Variants in FLI1 observed in about 807,000 individuals in gnomAD.
The protein encoded by FLI1 is Friend leukemia integration 1 transcription factor.
Under a neutral mutation model 53.1 loss-of-function variants are expected in FLI1, and 13 were observed. The observed-to-expected ratio is 0.24, with a 90% confidence interval of 0.16 to 0.39. The LOEUF is 0.39. Ranked by LOEUF, FLI1 falls within the 10% of genes least tolerant of loss-of-function variation. The pLI is 1.00. For synonymous variants in FLI1, 244 were observed against 236.7 expected, an observed-to-expected ratio of 1.03 and a Z score of -0.28; for missense variants, 424 against 600.5, an observed-to-expected ratio of 0.71 and a Z score of 3.07.
chr11:128,721,774 A>G (rs1377160112), intron 1 of FLI1, among the ~76,000 whole-genome samples: 1 of 152,180 alleles, frequency 6.6e-6, no homozygotes, highest in Non-Finnish European at 1.5e-5. Flanking sequence ...TGTTGACACA[A>G]ATGAATCTGA....
intron 1 of FLI1, among the ~76,000 whole-genome samples, chr11:128,713,832 G>A (rs192260138): frequency 7.2e-5 from 11 of 152,106 alleles, no homozygotes; most frequent in Non-Finnish European, 1.5e-4. Flanking sequence ...GTCTTTACTG[G>A]ATGAGTGAAT....
rs1385963172 is a variant in FLI1 at position 128,813,086 on chromosome 11, G to GT, written c.*2107dup. The stretch of plus-strand genomic sequence containing the variant: ...ATGTGTTTCGGAACATTTGTCTCCA[G>GT]TTTTTTTTTAATCTTGCACCCTGCC... On this transcript the variant is annotated 3_prime_UTR_variant, in exon 9 of 9. Coordinates refer to ENST00000527786, the MANE Select transcript of FLI1 (RefSeq NM_002017.5). The GT allele has an allele frequency of 6.8e-4, 111 of 162,204 alleles. 3 individuals carry two copies. The highest frequency in any genetic ancestry group is 2.2e-3 in the Middle Eastern group (1 of 464). 10.0% of individuals were successfully genotyped at this position (162,204 alleles called of 1,614,324 possible). A position where few individuals can be genotyped will look rare whatever the true frequency, so the allele number is the denominator to read the frequency against.
At chr11:128,797,838 G>A (rs975101162) in intron 5 of FLI1, among the ~76,000 whole-genome samples, 1 of 152,124 alleles carries the variant, frequency 6.6e-6, no homozygotes, top group Non-Finnish European at 1.5e-5. Flanking sequence ...ATCACCTAGC[G>A]AGGGACACAA....
At chr11:128,701,415 G>A (rs746792175) in intron 1 of FLI1, among the ~76,000 whole-genome samples, 7 of 152,162 alleles carry the variant, frequency 4.6e-5, no homozygotes, top group Admixed American at 1.3e-4. Context: ...TGGCTGGGCC[G>A]CTGGTCTCAG....
chr11:128,764,037 C>T (rs750349210), intron 2 of FLI1, among the ~76,000 whole-genome samples: 101 of 152,308 alleles, frequency 6.6e-4, no homozygotes, highest in South Asian at 6.2e-4. Context: ...AGGCAGCCCG[C>T]GAGGCCTCAC....
chr11:128,806,853 T>C (rs867660791), intron 6 of FLI1: 60 of 203,842 alleles, frequency 2.9e-4, no homozygotes, highest in African/African-American at 1.3e-3. Flanking sequence ...GATGCTATAC[T>C]GTTAGTTTAC....
chr11:128,764,712 G>A (rs1206297189), intron 2 of FLI1: 2 of 1,554,940 alleles, frequency 1.3e-6, no homozygotes, highest in Non-Finnish European at 1.7e-6. Context: ...CCCACCCTGA[G>A]CGGCAGCCGT....
intron 1 of FLI1, among the ~76,000 whole-genome samples, chr11:128,745,846 C>G (rs1385330319): frequency 2.0e-5 from 3 of 152,190 alleles, no homozygotes; most frequent in African/African-American, 4.8e-5. Context: ...GTGAAGCCCC[C>G]CCATATGCAT....
intron 1 of FLI1, among the ~76,000 whole-genome samples, chr11:128,735,121 T>C (rs1296646226): frequency 3.3e-5 from 5 of 152,236 alleles, no homozygotes; most frequent in Non-Finnish European, 7.3e-5. Flanking sequence ...TTCTCCAGTT[T>C]ATTAGAGTAA....
At chr11:128,789,283 C>T (rs1034680691) in intron 5 of FLI1, among the ~76,000 whole-genome samples, 29 of 152,250 alleles carry the variant, frequency 1.9e-4, no homozygotes, top group African/African-American at 6.5e-4. Context: ...GGGGTAGAAC[C>T]TGTGCACCAT....
intron 5 of FLI1, among the ~76,000 whole-genome samples, chr11:128,799,165 C>T (rs1447539577): frequency 6.6e-6 from 1 of 151,846 alleles, no homozygotes; most frequent in African/African-American, 2.4e-5. Flanking sequence ...CCACCTTGGC[C>T]TCCCAAAGTG....
chr11:128,769,744 T>A (rs889152396), intron 3 of FLI1, among the ~76,000 whole-genome samples: 1 of 152,250 alleles, frequency 6.6e-6, no homozygotes, highest in Non-Finnish European at 1.5e-5. Flanking sequence ...CTTCCATTTA[T>A]TGAGTGCTTT....
At chr11:128,720,004 T>G (rs905179100) in intron 1 of FLI1, among the ~76,000 whole-genome samples, 4 of 152,230 alleles carry the variant, frequency 2.6e-5, no homozygotes, top group African/African-American at 9.6e-5. Context: ...CATCCTTGTA[T>G]AAAATTTAAA....
chr11:128,725,110 G>T (rs1458290239), intron 1 of FLI1, among the ~76,000 whole-genome samples: 1 of 152,204 alleles, frequency 6.6e-6, no homozygotes, highest in Non-Finnish European at 1.5e-5. Context: ...GTGGATGTGT[G>T]AGGGTGAGGG....
chr11:128,698,649 A>G (rs2135696993), intron 1 of FLI1, among the ~76,000 whole-genome samples: 1 of 148,856 alleles, frequency 6.7e-6, no homozygotes, highest in African/African-American at 2.5e-5. Flanking sequence ...TGAAAATATC[A>G]TTTGCTTTTG....
intron 1 of FLI1, among the ~76,000 whole-genome samples, chr11:128,743,672 G>T (rs1486465016): frequency 1.3e-5 from 2 of 152,188 alleles, no homozygotes; most frequent in African/African-American, 4.8e-5. Flanking sequence ...ACCTCCAGAA[G>T]CTTCCAAGAA....
At chr11:128,790,881 A>T (rs1591816398) in intron 5 of FLI1, among the ~76,000 whole-genome samples, 1 of 152,272 alleles carries the variant, frequency 6.6e-6, no homozygotes, top group East Asian at 1.9e-4. Flanking sequence ...GCATCACCAT[A>T]CATCCCACTG....
At chr11:128,780,992 A>C (rs1362872614) in intron 4 of FLI1, among the ~76,000 whole-genome samples, 1 of 152,198 alleles carries the variant, frequency 6.6e-6, no homozygotes, top group African/African-American at 2.4e-5. Context: ...ATTCACTTTA[A>C]ACAAAGGAAA....
intron 1 of FLI1, 27 bp downstream of exon 1, chr11:128,694,303 C>A (rs773821278): frequency 1.5e-6 from 2 of 1,334,364 alleles, no homozygotes; most frequent in African/African-American, 1.5e-5. Flanking sequence ...CGGACGCGGG[C>A]GGCGGGGACC....
Sources: allele counts gnomAD v4.1 joint callset (sites outside exome capture counted in the v4.1 genomes callset), GRCh38; gene constraint gnomAD v4.1.1; transcripts MANE v1.5; gene names NCBI Gene and HGNC (gene_info 2026-07-23, HGNC 2026-07-21).